Variants in USP13 observed in about 807,000 individuals in gnomAD.
USP13 encodes the protein ubiquitin specific peptidase 13.
In USP13, 68 loss-of-function variants were observed where a neutral mutation model predicts 107.8. The ratio of observed to expected loss-of-function variants is 0.63; its 90% CI spans 0.52 to 0.77. The LOEUF (loss-of-function observed/expected upper bound fraction) is 0.77. Ranked by LOEUF, USP13 falls within the 30% of genes least tolerant of loss-of-function variation. USP13 has a pLI of 0.00. For synonymous variants in USP13, 377 were observed against 389.5 expected (o/e 0.97, Z 0.38); for missense variants, 945 against 1,093.3 (o/e 0.86, Z 1.91).
At position 179,752,311 on chromosome 3, in the gene USP13, A is replaced by C. The variant is rs1714641445; in HGVS notation, c.1736A>C (p.Glu579Ala). ...ACATCTCGCTTTGCTTCATTCCCTG[A>C]ATACTTGGTAGTGCAGATAAAGAAG... ...VKTSRFASFP[E>A]YLVVQIKKFT... Residue 579 changes from glutamate (E) to alanine (A), a missense_variant, in exon 14 of 21, where the codon GAA (glutamate) becomes GCA (alanine). By Grantham distance (107) the Glu-to-Ala change is moderately radical. Transcript: ENST00000263966. The C allele has an allele frequency of 6.2e-7, 1 of 1,613,898 alleles. No individual in the cohort carries two copies. Among genetic ancestry groups the C allele is most frequent in the African/African-American group, 1.3e-5 (1 of 74,920 alleles).
chr3:179,699,844 A>G (rs571490972), intron 3 of USP13, among the ~76,000 whole-genome samples: 9 of 152,008 alleles, frequency 5.9e-5, no homozygotes, highest in African/African-American at 1.9e-4. Flanking sequence ...GTACACAAAC[A>G]TATACTAGGT....
chr3:179,751,484 G>A (rs931353818), intron 13 of USP13, among the ~76,000 whole-genome samples: 7 of 152,088 alleles, frequency 4.6e-5, no homozygotes, highest in African/African-American at 1.7e-4. Context: ...CCAACTCTGC[G>A]CTATAAGACA....
intron 2 of USP13, 134 bp downstream of exon 2, chr3:179,682,137 C>T: frequency 1.7e-6 from 2 of 1,152,986 alleles, no homozygotes; most frequent in Admixed American, 5.4e-5. Context: ...ACAAAAACAG[C>T]ACTGCTTGCA....
chr3:179,674,171 G>T (rs1720825597), intron 1 of USP13, among the ~76,000 whole-genome samples: 1 of 152,160 alleles, frequency 6.6e-6, no homozygotes, highest in African/African-American at 2.4e-5. Context: ...GGGATTACAG[G>T]TGTGAGCCAC....
chr3:179,655,558 T>TG (rs1174674471), intron 1 of USP13, among the ~76,000 whole-genome samples: 21 of 75,488 alleles, frequency 2.8e-4, no homozygotes, highest in South Asian at 7.8e-4. Context: ...GTTTTTTTTG[T>TG]TTTGTTTTGT....
chr3:179,693,159 C>T (rs1462493061), intron 3 of USP13, among the ~76,000 whole-genome samples: 3 of 151,976 alleles, frequency 2.0e-5, no homozygotes, highest in African/African-American at 4.8e-5. Flanking sequence ...CTTTCTTTTT[C>T]GGTTTTTGAG....
intron 10 of USP13, among the ~76,000 whole-genome samples, chr3:179,734,082 C>G (rs999198108): frequency 6.6e-6 from 1 of 152,170 alleles, no homozygotes; most frequent in Non-Finnish European, 1.5e-5. Context: ...TTCTCACTGG[C>G]GTCTTCCAAG....
intron 10 of USP13, among the ~76,000 whole-genome samples, chr3:179,734,855 G>A (rs1274419276): frequency 1.3e-5 from 2 of 152,178 alleles, no homozygotes; most frequent in Admixed American, 6.5e-5. Context: ...AAGTATCTGT[G>A]CAAGTATTGC....
Position 179,784,676 on chromosome 3 carries a change from G to C in USP13, c.*535G>C, listed in dbSNP as rs1715865488. 6.6e-6 allele frequency: 1 copy of C among 152,242 alleles called. No individual in the cohort carries two copies. The highest frequency in any genetic ancestry group is 1.5e-5 in the Non-Finnish European group (1 of 68,090). The allele number at this position is 152,242 out of a possible 1,614,324, so 9.4% of individuals were successfully genotyped here. On this transcript the variant is annotated 3_prime_UTR_variant, in exon 21 of 21. Transcript: ENST00000263966. ...TAGATATTATGCTCTGTCCATAATA[G>C]AGCCTCTGCAATGAAAGATATTTTT...
chr3:179,681,884 G>T lies in USP13; in HGVS notation c.175G>T (p.Glu59Ter). 1 of 1,612,120 alleles carries T rather than the reference G, an allele frequency of 6.2e-7. No homozygotes were observed. ...CTTTTTCTCTTTCTTCTAGAATTCT[G>T]AAGGTGGACTCTATGTATGCATGAA... The part of the protein sequence containing the change: ...CAFSYDSPNS[E>*]GGLYVCMNTF... Residue 59 changes from glutamate (E) to a stop codon, truncating the protein, a stop_gained, in exon 2 of 21, where the codon GAA (glutamate) becomes TAA (stop). Transcript: ENST00000263966. LOFTEE classifies it high-confidence loss of function.
At chr3:179,756,337 C>T (rs1175007958) in intron 15 of USP13, among the ~76,000 whole-genome samples, 4 of 152,078 alleles carry the variant, frequency 2.6e-5, no homozygotes, top group African/African-American at 9.7e-5. Context: ...GCAAGAGAAT[C>T]GCTTGAACCA....
intron 4 of USP13, among the ~76,000 whole-genome samples, chr3:179,701,645 C>T (rs114691754): frequency 0.013 from 2,016 of 152,332 alleles, 38 homozygotes; most frequent in Middle Eastern, 0.017. Flanking sequence ...AACTACAGAT[C>T]TGCGGGAGCT....
At chr3:179,728,162 C>T (rs1713625374) in intron 8 of USP13, among the ~76,000 whole-genome samples, 1 of 139,140 alleles carries the variant, frequency 7.2e-6, no homozygotes, top group African/African-American at 2.6e-5. Context: ...CAGAGGCGCC[C>T]CTCACCTCCC....
intron 17 of USP13, among the ~76,000 whole-genome samples, chr3:179,762,813 AAACTGTTTTAC>A (rs1203093012): frequency 6.6e-6 from 1 of 152,228 alleles, no homozygotes. Flanking sequence ...AGGAACGACC[AAACTGTTTTAC>A]ACAGTGGCTG....
chr3:179,730,858 T>C (rs1319552219), intron 10 of USP13, 149 bp downstream of exon 10: 2 of 653,118 alleles, frequency 3.1e-6, no homozygotes, highest in Non-Finnish European at 5.2e-6. Flanking sequence ...CCTGTCTGTA[T>C]GCTCTTAAAA....
Position 179,653,390 on chromosome 3 carries a change from TC to T in USP13, c.168del (p.Asn57IlefsTer10). 1 of 1,558,358 alleles carries T rather than the reference TC, an allele frequency of 6.4e-7. No homozygotes were observed. The highest frequency in any genetic ancestry group is 1.2e-5 in the South Asian group (1 of 84,574). On this transcript the variant is annotated frameshift_variant and splice_region_variant, in exon 1 of 21. Coordinates refer to ENST00000263966, the MANE Select transcript of USP13 (RefSeq NM_003940.3). LOFTEE classifies it high-confidence loss of function. The surrounding 1 kb of genome is among the most constrained non-coding windows in gnomAD (Gnocchi z 4.0). ...ACGAGTGCGCCTTCTCCTACGACTC[TC>T]CCGTAAGTGAGGCGCCTCGGGGGAG... is the stretch of plus-strand genomic sequence containing the variant. Reference protein sequence around the residue: ...KNECAFSYDSPNSEGGLYVCM... With the variant: ...KNECAFSYDSXNSEGGLYVCM...
intron 19 of USP13, among the ~76,000 whole-genome samples, chr3:179,776,644 T>C (rs761452526): frequency 2.6e-5 from 4 of 152,154 alleles, no homozygotes; most frequent in Middle Eastern, 3.2e-3. Context: ...ATGTGAGACA[T>C]AGTGGTTTTG....
At chr3:179,778,493 G>A (rs1303685442) in intron 19 of USP13, among the ~76,000 whole-genome samples, 2 of 152,172 alleles carry the variant, frequency 1.3e-5, no homozygotes, top group East Asian at 3.9e-4. Context: ...GCTGGGCATG[G>A]TGGCTCATAC....
intron 15 of USP13, among the ~76,000 whole-genome samples, chr3:179,756,014 G>A (rs1714778701): frequency 2.0e-5 from 3 of 152,228 alleles, no homozygotes; most frequent in Non-Finnish European, 4.4e-5. Flanking sequence ...CATTAAAGGG[G>A]TCAAAGAAGG....
Sources: allele counts gnomAD v4.1 joint callset (sites outside exome capture counted in the v4.1 genomes callset), GRCh38; gene constraint gnomAD v4.1.1; non-coding constraint Gnocchi (gnomAD v3.1); transcripts MANE v1.5; gene names NCBI Gene and HGNC (gene_info 2026-07-23, HGNC 2026-07-21).